Variants in DLG1 observed in about 807,000 individuals in gnomAD.
DLG1 encodes disks large homolog 1.
DLG1 carries 42 observed loss-of-function variants against 123.4 expected under a neutral mutation model. The observed-to-expected ratio is 0.34, with a 90% confidence interval of 0.27 to 0.44. The LOEUF (loss-of-function observed/expected upper bound fraction) is 0.44. Among genes scored for constraint, DLG1 ranks in the 20% least tolerant of loss-of-function variants. The pLI is 1.00. For missense variants in DLG1, 942 were observed against 1,082.6 expected (o/e 0.87, Z 1.82); for synonymous variants, 317 against 356.2 (o/e 0.89, Z 1.24).
intron 12 of DLG1, among the ~76,000 whole-genome samples, chr3:197,116,624 G>C (rs962458573): frequency 6.6e-6 from 1 of 152,112 alleles, no homozygotes; most frequent in African/African-American, 2.4e-5. Context: ...TCATTTTCTA[G>C]AGACAGACAA....
intron 11 of DLG1, among the ~76,000 whole-genome samples, chr3:197,125,457 G>C (rs535909937): frequency 4.6e-5 from 7 of 152,276 alleles, no homozygotes; most frequent in African/African-American, 1.7e-4. Context: ...AAGTGAACAT[G>C]AGAAACCATG....
At chr3:197,228,521 G>GT (rs1332032263) in intron 4 of DLG1, among the ~76,000 whole-genome samples, 6 of 151,662 alleles carry the variant, frequency 4.0e-5, no homozygotes, top group East Asian at 1.9e-4. Context: ...TTTCTTGTCT[G>GT]TTTTTTTAGT....
chr3:197,220,991 T>C (rs927271393), intron 4 of DLG1, among the ~76,000 whole-genome samples: 1 of 152,248 alleles, frequency 6.6e-6, no homozygotes, highest in Non-Finnish European at 1.5e-5. Flanking sequence ...TTGATCATTA[T>C]TTATTACACA....
chr3:197,212,230 CA>C (rs1311486759), intron 4 of DLG1, among the ~76,000 whole-genome samples: 1 of 145,924 alleles, frequency 6.9e-6, no homozygotes, highest in Non-Finnish European at 1.5e-5. Flanking sequence ...AAAAAACAAA[CA>C]AAAAACCCTA....
At chr3:197,085,530 C>T (rs1162749911) in intron 16 of DLG1, 50 bp downstream of exon 16, 1 of 1,584,682 alleles carries the variant, frequency 6.3e-7, no homozygotes, top group Non-Finnish European at 8.6e-7. Context: ...TTTAAAAGAA[C>T]ATCAATTATT....
intron 10 of DLG1, among the ~76,000 whole-genome samples, chr3:197,131,584 C>CTTTTTTTTTT (rs773487577): frequency 1.4e-4 from 9 of 65,768 alleles, no homozygotes; most frequent in African/African-American, 4.2e-4. Flanking sequence ...TTCTTCCTTT[C>CTTTTTTTTTT]TTTTTTTTTT....
At chr3:197,272,219 G>T (rs7619429) in intron 4 of DLG1, among the ~76,000 whole-genome samples, 36,809 of 151,966 alleles carry the variant, frequency 0.24, 5,635 homozygotes, top group East Asian at 0.71. Context: ...GGGCACAGTG[G>T]CTCACGCCTA....
intron 14 of DLG1, among the ~76,000 whole-genome samples, chr3:197,101,736 T>C (rs956568720): frequency 3.9e-5 from 6 of 152,210 alleles, no homozygotes; most frequent in Middle Eastern, 3.4e-3. Flanking sequence ...TTTATAACTT[T>C]GGGATATGGA....
chr3:197,223,743 G>A (rs1008432128), intron 4 of DLG1, among the ~76,000 whole-genome samples: 3 of 152,202 alleles, frequency 2.0e-5, no homozygotes, highest in Non-Finnish European at 4.4e-5. Flanking sequence ...TTTCTGAAAT[G>A]TTTTAACTAG....
At chr3:197,075,610 C>A (rs1410662652) in intron 18 of DLG1, among the ~76,000 whole-genome samples, 1 of 151,842 alleles carries the variant, frequency 6.6e-6, no homozygotes, top group Non-Finnish European at 1.5e-5. Flanking sequence ...AATATAGTTA[C>A]GAGCAAGAGA....
At position 197,235,253 on chromosome 3, in the gene DLG1, T is replaced by A. The variant is rs901271096; in HGVS notation, c.319-40664A>T. On this transcript the variant is annotated intron_variant, in intron 4 of 24. Transcript: ENST00000667157. ...TTACTGGGTTGACAAAAATCAAGACTGGTGTTCAAGGAGACGGAAGCACTG... is the reference window on the plus strand; with the variant it reads ...TTACTGGGTTGACAAAAATCAAGACAGGTGTTCAAGGAGACGGAAGCACTG... Among the ~76,000 whole-genome samples, 4 of 152,206 alleles carry A rather than the reference T, an allele frequency of 2.6e-5. No homozygotes were observed. In the East Asian group the frequency reaches 7.7e-4, roughly 29 times the overall value.
At chr3:197,224,378 TAAG>T (rs1358973761) in intron 4 of DLG1, among the ~76,000 whole-genome samples, 8 of 152,126 alleles carry the variant, frequency 5.3e-5, no homozygotes, top group Admixed American at 2.6e-4. Flanking sequence ...TACCTACATA[TAAG>T]GAGGAACATT....
chr3:197,138,152 G>C, intron 9 of DLG1, 70 bp downstream of exon 9: 2 of 939,506 alleles, frequency 2.1e-6, no homozygotes, highest in Non-Finnish European at 3.0e-6. Context: ...GTATGTCACA[G>C]ATAAAGTTCA....
At chr3:197,296,746 A>G in intron 2 of DLG1, 1 of 388,882 alleles carries the variant, frequency 2.6e-6, no homozygotes, top group Non-Finnish European at 4.6e-6. Flanking sequence ...GTAGTTTGCC[A>G]AAGTAAAAGA....
At position 197,207,759 on chromosome 3, in the gene DLG1, T is replaced by C. The variant is rs939878327; in HGVS notation, c.319-13170A>G. 2.6e-5 allele frequency among the ~76,000 whole-genome samples: 3 copies of C among 116,062 alleles called. 1 individual carries two copies. The highest frequency in any genetic ancestry group is 2.1e-5 in the Non-Finnish European group (1 of 46,858). The allele number at this position is 116,062 out of a possible 152,430, so 76.1% of individuals were successfully genotyped here. On this transcript the variant is annotated intron_variant, in intron 4 of 24. Coordinates refer to ENST00000667157, the MANE Select transcript of DLG1 (RefSeq NM_001366207.1). Reference sequence around the variant, plus strand: ...AAGTTTATATCTTCAACCAATATCATTGGTTAAAAGATTATTCAATAAATA... The same window carrying C: ...AAGTTTATATCTTCAACCAATATCACTGGTTAAAAGATTATTCAATAAATA...
chr3:197,131,167 C>T (rs1782250917), intron 10 of DLG1, among the ~76,000 whole-genome samples: 1 of 151,942 alleles, frequency 6.6e-6, no homozygotes, highest in African/African-American at 2.4e-5. Context: ...GTTAATATTC[C>T]CATATTTAGA....
chr3:197,136,421 G>A, intron 10 of DLG1, 121 bp downstream of exon 10: 1 of 694,378 alleles, frequency 1.4e-6, no homozygotes, highest in East Asian at 2.6e-5. Flanking sequence ...ATACAGCAAG[G>A]CTAGTATTTG....
intron 4 of DLG1, among the ~76,000 whole-genome samples, chr3:197,268,836 T>C (rs1435805841): frequency 6.6e-6 from 1 of 152,042 alleles, no homozygotes; most frequent in Admixed American, 6.5e-5. Context: ...AGCTTTTTTC[T>C]ATTTTTTAAT....
chr3:197,076,821 A>C, intron 17 of DLG1, 136 bp from the exon 18 acceptor site: 1 of 469,084 alleles, frequency 2.1e-6, no homozygotes, highest in Non-Finnish European at 3.9e-6. Context: ...CTTTAATCTC[A>C]TATAAAGTGA....
Sources: allele counts gnomAD v4.1 joint callset (sites outside exome capture counted in the v4.1 genomes callset), GRCh38; gene constraint gnomAD v4.1.1; transcripts MANE v1.5; gene names NCBI Gene and HGNC (gene_info 2026-07-23, HGNC 2026-07-21).